The following CCR1 variants were observed in gnomAD, a reference collection of about 807,000 sequenced individuals.
CCR1 encodes C-C motif chemokine receptor 1.
A neutral mutation model predicts 0.3 loss-of-function variants in CCR1; 1 was observed. The ratio of observed to expected loss-of-function variants is 3.70; its 90% CI spans 1.31 to 17.54. The LOEUF is 17.54. Ranked by LOEUF, CCR1 falls within the 30% of genes most tolerant of loss-of-function variation. CCR1 has a pLI of 0.11. For missense variants in CCR1, 349 were observed against 435.4 expected (o/e 0.80, Z 1.77); for synonymous variants, 207 against 182.5 (o/e 1.13, Z -1.08).
At chr3:46,206,818 A>G (rs1699652587) in intron 1 of CCR1, among the ~76,000 whole-genome samples, 1 of 152,184 alleles carries the variant, frequency 6.6e-6, no homozygotes, top group African/African-American at 2.4e-5. Flanking sequence ...GCCCTGCTGT[A>G]GTCTACTGCA....
chr3:46,204,408 G>A, intron 1 of CCR1, 84 bp from the exon 2 acceptor site: 6 of 882,288 alleles, frequency 6.8e-6, no homozygotes, highest in East Asian at 2.7e-5. Flanking sequence ...CAAGGGAGAG[G>A]TAACATTTTT....
intron 1 of CCR1, among the ~76,000 whole-genome samples, chr3:46,205,756 C>CCCA (rs1699642756): frequency 3.9e-5 from 6 of 152,118 alleles, no homozygotes; most frequent in Admixed American, 3.9e-4. Context: ...CCATCACCCT[C>CCCA]CCACCACCAC....
chr3:46,202,025 A>C lies in CCR1; in HGVS notation c.*1221T>G, dbSNP rs1390415238. 2 of 152,204 alleles carry C rather than the reference A, an allele frequency of 1.3e-5. No individual in the cohort carries two copies. The allele number at this position is 152,204 out of a possible 1,614,324, so 9.4% of individuals were successfully genotyped here. ...ATCTGAGGGAAAAGAGAACAAAGGC[A>C]TGATAAATAAGGGGTCCTTGGTTGG... On this transcript the variant is annotated 3_prime_UTR_variant, in exon 2 of 2. Transcript: ENST00000296140.
chr3:46,206,828 A>G (rs903338317), intron 1 of CCR1, among the ~76,000 whole-genome samples: 1 of 152,200 alleles, frequency 6.6e-6, no homozygotes, highest in Non-Finnish European at 1.5e-5. Context: ...AGTCTACTGC[A>G]GAAGTCTGCC....
chr3:46,206,493 G>A (rs1020026597), intron 1 of CCR1, among the ~76,000 whole-genome samples: 4 of 152,170 alleles, frequency 2.6e-5, no homozygotes, highest in African/African-American at 7.2e-5. Flanking sequence ...AGCACTTTTC[G>A]GTGGGCTGGC....
chr3:46,203,277 G>A lies in CCR1; in HGVS notation c.1037C>T (p.Thr346Ile). 6.2e-7 allele frequency: 1 copy of A among 1,614,048 alleles called. No homozygotes were observed. The change falls in exon 2 of 2, where the codon ACA becomes ATA. Residue 346 changes from threonine (T) to isoleucine (I), a missense_variant. Coordinates refer to ENST00000296140, the MANE Select transcript of CCR1 (RefSeq NM_001295.3). This position sits in a 1 kb window ranked among gnomAD's most constrained non-coding sequence, Gnocchi z 4.5. Reference protein sequence around the residue: ...LERVSSTSPSTGEHELSAGF With the variant: ...LERVSSTSPSIGEHELSAGF ...CCCAGCAGAGAGTTCATGCTCCCCT[G>A]TGGAGGGAGATGTGGAGCTGACCCT...
chr3:46,203,493 T>G lies in CCR1; in HGVS notation c.821A>C (p.Glu274Ala), dbSNP rs1323958679. Reference sequence around the variant, plus strand: ...AGCCAGGTCCAAATGTCTGCTCTGCTCACACTCATGGGTGAACAGGAAGTC... The same window carrying G: ...AGCCAGGTCCAAATGTCTGCTCTGCGCACACTCATGGGTGAACAGGAAGTC... Reference protein sequence around the residue: ...FQDFLFTHECEQSRHLDLAVQ... With the variant: ...FQDFLFTHECAQSRHLDLAVQ... The change falls in exon 2 of 2, where the codon GAG becomes GCG. Residue 274 changes from glutamate to alanine, a missense_variant. Glu to Ala is a moderately radical substitution (Grantham distance 107, BLOSUM62 -1). Transcript: ENST00000296140. The surrounding 1 kb of genome is among the most constrained non-coding windows in gnomAD (Gnocchi z 4.5). The G allele has an allele frequency of 6.2e-7, 1 of 1,614,148 alleles. No individual in the cohort carries two copies. Among genetic ancestry groups the G allele is most frequent in the Non-Finnish European group, 8.5e-7 (1 of 1,180,030 alleles).
At chr3:46,205,442 A>G (rs935794424) in intron 1 of CCR1, among the ~76,000 whole-genome samples, 3 of 152,188 alleles carry the variant, frequency 2.0e-5, no homozygotes, top group Non-Finnish European at 4.4e-5. Flanking sequence ...CTGCTGAGAT[A>G]AGCTCTTAGA....
chr3:46,204,333 T>TAAA lies in CCR1; in HGVS notation c.-11-12_-11-10dup. 1.5e-6 allele frequency: 2 copies of TAAA among 1,290,742 alleles called. No homozygotes were observed. Among genetic ancestry groups the TAAA allele is most frequent in the Non-Finnish European group, 2.1e-6 (2 of 955,564 alleles). 80.0% of individuals were successfully genotyped at this position (1,290,742 alleles called of 1,614,324 possible). ...TTCCATCCCGGCTTCTCCTACAGGT[T>TAAA]AAAAAAAAAAAAAAGATTTGTCTTT... On this transcript the variant is annotated splice_polypyrimidine_tract_variant and intron_variant, in intron 1 of 1. Transcript: ENST00000296140.
intron 1 of CCR1, 121 bp from the exon 2 acceptor site, chr3:46,204,445 G>A: frequency 1.6e-6 from 1 of 629,600 alleles, no homozygotes; most frequent in South Asian, 2.2e-5. Flanking sequence ...TGTTTATTGA[G>A]TGCCTTCTGT....
In CCR1 at chr3:46,203,358, C is replaced by A. The variant is rs112927319; in HGVS notation, c.956G>T (p.Arg319Leu). 1.2e-6 allele frequency: 2 copies of A among 1,614,062 alleles called. No individual in the cohort carries two copies. The highest frequency in any genetic ancestry group is 2.7e-5 in the African/African-American group (2 of 75,004). The change falls in exon 2 of 2, where the codon CGT becomes CTT. Residue 319 changes from arginine (R) to leucine (L), a missense_variant. Arg to Leu is a moderately radical substitution (Grantham distance 102). Transcript: ENST00000296140. This position sits in a 1 kb window ranked among gnomAD's most constrained non-coding sequence, Gnocchi z 4.5. ...RKYLRQLFHR[R>L]VAVHLVKWLP... The stretch of plus-strand genomic sequence containing the variant: ...CCATTTAACCAGGTGCACAGCCACA[C>A]GCCTGTGGAACAACTGCCGCAGGTA...
rs2125920225 is a variant in CCR1, at chr3:46,202,482, A to T, written c.*764T>A. On this transcript the variant is annotated 3_prime_UTR_variant, in exon 2 of 2. Coordinates refer to ENST00000296140, the MANE Select transcript of CCR1 (RefSeq NM_001295.3). ...CCTTTATGGCTATTTTAAGAAGCACACCATGTTATTCATATGGCCCGTGCT... is the reference window on the plus strand; with the variant it reads ...CCTTTATGGCTATTTTAAGAAGCACTCCATGTTATTCATATGGCCCGTGCT... 1 of 152,342 alleles carries T rather than the reference A, an allele frequency of 6.6e-6. No homozygotes were observed. Among genetic ancestry groups the T allele is most frequent in the East Asian group, 1.9e-4 (1 of 5,184 alleles). The allele number at this position is 152,342 out of a possible 1,614,324, so 9.4% of individuals were successfully genotyped here.
chr3:46,206,257 G>T (rs781033302), intron 1 of CCR1, among the ~76,000 whole-genome samples: 3 of 152,020 alleles, frequency 2.0e-5, no homozygotes, highest in Non-Finnish European at 2.9e-5. Flanking sequence ...AGGGTATAGG[G>T]CACCCTGGCT....
At position 46,202,552 on chromosome 3, in the gene CCR1, C is replaced by A. The variant is rs1177397361; in HGVS notation, c.*694G>T. ...TTTGATTTTAGTGGATATAAAAATTCTTCCTAAGGGCTTTCTTAGTTCCAC... is the reference window on the plus strand; with the variant it reads ...TTTGATTTTAGTGGATATAAAAATTATTCCTAAGGGCTTTCTTAGTTCCAC... On this transcript the variant is annotated 3_prime_UTR_variant, in exon 2 of 2. Transcript: ENST00000296140. 1 of 152,152 alleles carries A rather than the reference C, an allele frequency of 6.6e-6. No individual in the cohort carries two copies. The highest frequency in any genetic ancestry group is 1.5e-5 in the Non-Finnish European group (1 of 68,036). The allele number at this position is 152,152 out of a possible 1,614,324, so 9.4% of individuals were successfully genotyped here.
Position 46,203,369 on chromosome 3 carries a change from CA to C in CCR1, c.944del (p.Leu315CysfsTer55). The C allele has an allele frequency of 4.3e-6, 7 of 1,614,140 alleles. No individual in the cohort carries two copies. Among genetic ancestry groups the C allele is most frequent in the Non-Finnish European group, 5.9e-6 (7 of 1,180,002 alleles). On this transcript the variant is annotated frameshift_variant, in exon 2 of 2. Transcript: ENST00000296140. LOFTEE classifies it low-confidence loss of function (END_TRUNC). The surrounding 1 kb of genome is among the most constrained non-coding windows in gnomAD (Gnocchi z 4.5). ...GGTGCACAGCCACACGCCTGTGGAA[CA>C]ACTGCCGCAGGTACTTCCGGAACCT... is the stretch of plus-strand genomic sequence containing the variant. The part of the protein sequence containing the change: ...GERFRKYLRQ[L>X]FHRRVAVHLV...
At chr3:46,206,611 A>G (rs1028374290) in intron 1 of CCR1, among the ~76,000 whole-genome samples, 1 of 152,228 alleles carries the variant, frequency 6.6e-6, no homozygotes, top group East Asian at 1.9e-4. Context: ...AGGCAAAGGC[A>G]AGTTGAGTCA....
rs1699617266 is a variant in CCR1, at chr3:46,203,479, A to C, written c.835T>G (p.Leu279Val). The change falls in exon 2 of 2, where the codon TTG becomes GTG. Residue 279 changes from leucine to valine, a missense_variant. Physicochemically the swap from Leu to Val is conservative, Grantham distance 32 (BLOSUM62 1). Coordinates refer to ENST00000296140, the MANE Select transcript of CCR1 (RefSeq NM_001295.3). The surrounding 1 kb of genome is among the most constrained non-coding windows in gnomAD (Gnocchi z 4.5). ...TCCGTCACTTGCACAGCCAGGTCCA[A>C]ATGTCTGCTCTGCTCACACTCATGG... ...FTHECEQSRH[L>V]DLAVQVTEVI... 6.2e-7 allele frequency: 1 copy of C among 1,614,054 alleles called. No individual in the cohort carries two copies. Among genetic ancestry groups the C allele is most frequent in the Admixed American group, 1.7e-5 (1 of 60,002 alleles).
chr3:46,206,454 A>T (rs774335873), intron 1 of CCR1, among the ~76,000 whole-genome samples: 38 of 152,186 alleles, frequency 2.5e-4, no homozygotes, highest in Non-Finnish European at 4.1e-4. Flanking sequence ...GCCATTGCTG[A>T]TGAGGGCAGA....
In CCR1 at chr3:46,203,320, A is replaced by G; in HGVS notation, c.994T>C (p.Ser332Pro). 2 of 1,614,110 alleles carry G rather than the reference A, an allele frequency of 1.2e-6. No homozygotes were observed. The highest frequency in any genetic ancestry group is 1.7e-6 in the Non-Finnish European group (2 of 1,180,004). ...CTGACCCTCTCCAGCCTGTCCACGG[A>G]GAGGAAGGGGAGCCATTTAACCAGG... is the stretch of plus-strand genomic sequence containing the variant. The part of the protein sequence containing the change: ...VHLVKWLPFL[S>P]VDRLERVSST... The change falls in exon 2 of 2, where the codon TCC becomes CCC. Residue 332 changes from serine to proline, a missense_variant. By Grantham distance (74) the Ser-to-Pro change is moderately conservative (BLOSUM62 -1). Transcript: ENST00000296140. The surrounding 1 kb of genome is among the most constrained non-coding windows in gnomAD (Gnocchi z 4.5).
Sources: allele counts gnomAD v4.1 joint callset (sites outside exome capture counted in the v4.1 genomes callset), GRCh38; gene constraint gnomAD v4.1.1; non-coding constraint Gnocchi (gnomAD v3.1); transcripts MANE v1.5; gene names NCBI Gene and HGNC (gene_info 2026-07-23, HGNC 2026-07-21).